The following CPAP variants were observed in gnomAD, a reference collection of about 807,000 sequenced individuals.
CPAP encodes centrosome assembly and centriole elongation protein.
chr13:24,928,822 G>A, the CPAP span, among the ~76,000 whole-genome samples: 1 of 152,174 alleles, frequency 6.6e-6, no homozygotes, highest in East Asian at 1.9e-4. Flanking sequence ...TGGTGTATTG[G>A]ACTTACAACA....
chr13:24,917,615 ACT>A, the CPAP span, among the ~76,000 whole-genome samples: 1 of 152,110 alleles, frequency 6.6e-6, no homozygotes, highest in Non-Finnish European at 1.5e-5. Flanking sequence ...TGGATATAAC[ACT>A]GTTATGTGTC....
chr13:24,905,682 G>A, the CPAP span: 1 of 1,614,184 alleles, frequency 6.2e-7, no homozygotes, highest in Non-Finnish European at 8.5e-7. Context: ...CTCAGACTTA[G>A]GGATGAGGAT....
the CPAP span, among the ~76,000 whole-genome samples, chr13:24,928,480 G>C: frequency 0.51 from 77,566 of 152,116 alleles, 19,903 homozygotes; most frequent in South Asian, 0.61. Context: ...GCCCAGGCTG[G>C]TGTCCAGTGG....
chr13:24,889,918 A>G, the CPAP span, among the ~76,000 whole-genome samples: 1 of 151,982 alleles, frequency 6.6e-6, no homozygotes, highest in African/African-American at 2.4e-5. Flanking sequence ...CCCTGCCAGG[A>G]GGTGATGCTT....
chr13:24,900,405 C>T, the CPAP span, among the ~76,000 whole-genome samples: 2 of 152,142 alleles, frequency 1.3e-5, no homozygotes, highest in Non-Finnish European at 2.9e-5. Flanking sequence ...GAGGCCGAGG[C>T]GGGCAGATCA....
chr13:24,883,739 T>C, the CPAP span, among the ~76,000 whole-genome samples: 2 of 152,216 alleles, frequency 1.3e-5, no homozygotes, highest in African/African-American at 4.8e-5. Flanking sequence ...GGAAGGGGCA[T>C]GATCAGACTT....
chr13:24,922,250 C>A, the CPAP span, among the ~76,000 whole-genome samples: 15 of 152,180 alleles, frequency 9.9e-5, no homozygotes, highest in African/African-American at 3.6e-4. Flanking sequence ...AGAGTGGATA[C>A]AAACAGCAAA....
the CPAP span, chr13:24,905,877 T>C: frequency 6.2e-7 from 1 of 1,614,198 alleles, no homozygotes; most frequent in Non-Finnish European, 8.5e-7. Context: ...CCCCTCTCTC[T>C]ATCCTCAGTC....
the CPAP span, among the ~76,000 whole-genome samples, chr13:24,903,551 C>CT: frequency 3.3e-5 from 5 of 152,226 alleles, no homozygotes; most frequent in Non-Finnish European, 7.3e-5. Context: ...GGACTTTGGA[C>CT]TTACAGCCTC....
At chr13:24,890,640 A>T in the CPAP span, among the ~76,000 whole-genome samples, 1 of 152,174 alleles carries the variant, frequency 6.6e-6, no homozygotes, top group Non-Finnish European at 1.5e-5. Context: ...TCAGTCTCTG[A>T]CCCAGGTTGG....
chr13:24,910,049 G>C, the CPAP span: 1 of 1,613,538 alleles, frequency 6.2e-7, no homozygotes, highest in African/African-American at 1.3e-5. Context: ...CTGGAGACCT[G>C]TGCTTCTGGC....
chr13:24,932,882 C>T, the CPAP span: 4 of 655,834 alleles, frequency 6.1e-6, no homozygotes, highest in African/African-American at 7.2e-5. Flanking sequence ...GTTCAATTTA[C>T]AACATGATTA....
the CPAP span, chr13:24,912,182 T>C: frequency 9.7e-7 from 1 of 1,025,990 alleles, no homozygotes; most frequent in Non-Finnish European, 1.5e-6. Context: ...TAAGAAGTTT[T>C]AGACAGGGAC....
the CPAP span, among the ~76,000 whole-genome samples, chr13:24,896,607 C>A: frequency 1.3e-5 from 2 of 152,202 alleles, no homozygotes; most frequent in South Asian, 4.1e-4. Context: ...GAAAAGAAAA[C>A]CCACGTTATT....
chr13:24,906,537 CTTTA>C, the CPAP span: 4 of 1,614,034 alleles, frequency 2.5e-6, no homozygotes, highest in African/African-American at 1.3e-5. Flanking sequence ...GTTACATTTT[CTTTA>C]TTATTAGATG....
At chr13:24,883,357 T>C in the CPAP span, 1 of 1,606,798 alleles carries the variant, frequency 6.2e-7, no homozygotes, top group Non-Finnish European at 8.5e-7. Context: ...ACTCTATGAG[T>C]TTGTTGCCAT....
the CPAP span, among the ~76,000 whole-genome samples, chr13:24,928,980 T>C: frequency 6.6e-6 from 1 of 152,122 alleles, no homozygotes; most frequent in Non-Finnish European, 1.5e-5. Context: ...AATACCATAA[T>C]AGTTTTCACA....
chr13:24,885,390 T>C, the CPAP span: 6 of 1,593,428 alleles, frequency 3.8e-6, no homozygotes, highest in Admixed American at 5.0e-5. Flanking sequence ...AGGCAGCCTG[T>C]AAGCACAACA....
the CPAP span, chr13:24,882,885 T>A: frequency 1.0e-5 from 4 of 385,976 alleles, no homozygotes; most frequent in Non-Finnish European, 1.9e-5. Context: ...TTTTTTTTTA[T>A]AGCCATTTCT....
Sources: gnomAD v4.1 joint callset for allele counts (sites outside exome capture counted in the v4.1 genomes callset) on GRCh38, gnomAD v4.1.1 for gene constraint, MANE v1.5 for transcripts, NCBI Gene and HGNC (gene_info 2026-07-23, HGNC 2026-07-21) for gene names.